INPP4B: variants seen among roughly 807,000 people sequenced by gnomAD.
INPP4B encodes inositol polyphosphate-4-phosphatase type II B, also known as inositol polyphosphate 4-phosphatase type II.
A neutral mutation model predicts 122.5 loss-of-function variants in INPP4B; 55 were observed. The ratio of observed to expected loss-of-function variants is 0.45; its 90% CI spans 0.36 to 0.56. The LOEUF (loss-of-function observed/expected upper bound fraction) is 0.56, where lower values mean the gene tolerates loss of function less well. Ranked by LOEUF, INPP4B falls within the 20% of genes least tolerant of loss-of-function variation. INPP4B has a pLI of 0.00. For synonymous variants in INPP4B, 403 were observed against 388.7 expected (o/e 1.04, Z -0.43); for missense variants, 1,000 against 1,097.7 (o/e 0.91, Z 1.26).
chr4:142,715,762 T>C (rs1022238899), intron 2 of INPP4B, among the ~76,000 whole-genome samples: 1 of 152,224 alleles, frequency 6.6e-6, no homozygotes. Flanking sequence ...AATATTGACA[T>C]TTGTTTTGTT....
rs542027263 is a variant in INPP4B at position 142,391,608 on chromosome 4, A to G, written c.372+11330T>C. On this transcript the variant is annotated intron_variant, in intron 7 of 25. Transcript: ENST00000262992. ...AAACAAAACAAACAAAAACAAACAAACAAAAAAAACCATGTACTCCTGGAG... is the reference window on the plus strand; with the variant it reads ...AAACAAAACAAACAAAAACAAACAAGCAAAAAAAACCATGTACTCCTGGAG... Among the ~76,000 whole-genome samples the G allele has an allele frequency of 1.8e-4, 27 of 152,104 alleles. No homozygotes were observed. The South Asian group carries it at 2.1e-3, about 12-fold the overall frequency.
At chr4:142,398,984 G>C (rs1800676049) in intron 7 of INPP4B, among the ~76,000 whole-genome samples, 1 of 151,970 alleles carries the variant, frequency 6.6e-6, no homozygotes, top group Non-Finnish European at 1.5e-5. Context: ...GCAAAATAGA[G>C]TAGAAATTCA....
At chr4:142,795,831 TA>T (rs1777170362) in intron 1 of INPP4B, among the ~76,000 whole-genome samples, 1 of 152,026 alleles carries the variant, frequency 6.6e-6, no homozygotes, top group South Asian at 2.1e-4. Context: ...ACTGTACCTT[TA>T]ATCAACTACC....
chr4:142,630,361 T>A (rs1747664272), intron 2 of INPP4B, among the ~76,000 whole-genome samples: 1 of 152,154 alleles, frequency 6.6e-6, no homozygotes, highest in African/African-American at 2.4e-5. Flanking sequence ...TTATCTTTTA[T>A]TTTTTAAATC....
chr4:142,284,798 T>A (rs1752764508), intron 9 of INPP4B, among the ~76,000 whole-genome samples: 1 of 152,024 alleles, frequency 6.6e-6, no homozygotes, highest in Non-Finnish European at 1.5e-5. Context: ...GGAAGTCAAG[T>A]TTCCCCAGCC....
At position 142,397,742 on chromosome 4, in the gene INPP4B, G is replaced by A. The variant is rs7695793; in HGVS notation, c.372+5196C>T. Among the ~76,000 whole-genome samples the A allele has an allele frequency of 8.2e-3, 1,243 of 152,132 alleles. 22 individuals carry two copies. Among genetic ancestry groups the A allele is most frequent in the African/African-American group, 0.027 (1,135 of 41,490 alleles). On this transcript the variant is annotated intron_variant, in intron 7 of 25. Coordinates refer to ENST00000262992, the MANE Select transcript of INPP4B (RefSeq NM_001101669.3). The stretch of plus-strand genomic sequence containing the variant: ...TAGTCCCAGTTACTCGGGAGGCTGA[G>A]GCAGGGGAATCACTTGAACCTGGGA...
At chr4:142,118,978 G>A (rs921415549) in intron 21 of INPP4B, among the ~76,000 whole-genome samples, 7 of 152,116 alleles carry the variant, frequency 4.6e-5, no homozygotes, top group African/African-American at 1.7e-4. Flanking sequence ...ATCAAAAAGT[G>A]GGCAAAGGAT....
At chr4:142,676,567 A>G (rs1380579443) in intron 2 of INPP4B, among the ~76,000 whole-genome samples, 1 of 152,192 alleles carries the variant, frequency 6.6e-6, no homozygotes, top group Non-Finnish European at 1.5e-5. Context: ...AGCTGGAGGC[A>G]TCACACTACC....
At chr4:142,389,567 A>G (rs1797042943) in intron 7 of INPP4B, among the ~76,000 whole-genome samples, 1 of 152,230 alleles carries the variant, frequency 6.6e-6, no homozygotes, top group Non-Finnish European at 1.5e-5. Flanking sequence ...TTAAGATCAT[A>G]AACTGCATGT....
chr4:142,662,059 C>T (rs1156326577), intron 2 of INPP4B, among the ~76,000 whole-genome samples: 1 of 152,090 alleles, frequency 6.6e-6, no homozygotes, highest in Admixed American at 6.6e-5. Context: ...CAGTGAAACC[C>T]TGTCTCTACT....
chr4:142,427,362 T>G (rs1808329819), intron 5 of INPP4B: 5 of 447,920 alleles, frequency 1.1e-5, no homozygotes, highest in Non-Finnish European at 2.0e-5. Context: ...CTGTTGTTGT[T>G]TCTTAGTATA....
At chr4:142,241,702 G>A (rs77803849) in intron 11 of INPP4B, among the ~76,000 whole-genome samples, 5,232 of 152,236 alleles carry the variant, frequency 0.034, 287 homozygotes, top group African/African-American at 0.12. Flanking sequence ...AAATCAAAGA[G>A]ATATCATAGG....
At chr4:142,735,015 GTTC>G (rs1358287025) in intron 1 of INPP4B, among the ~76,000 whole-genome samples, 1 of 152,166 alleles carries the variant, frequency 6.6e-6, no homozygotes, top group Admixed American at 6.5e-5. Context: ...ATCTGCAGGT[GTTC>G]TTCATTAGCA....
chr4:142,579,859 A>ATAGATAGATAGATAGATAGGTAGG (rs1734634412), intron 2 of INPP4B, among the ~76,000 whole-genome samples: 1 of 101,552 alleles, frequency 9.8e-6, no homozygotes, highest in Admixed American at 1.0e-4. Context: ...GGATGAATGG[A>ATAGATAGATAGATAGATAGGTAGG]TAGATAGATA....
chr4:142,178,132 C>T (rs1829171421), intron 15 of INPP4B, among the ~76,000 whole-genome samples: 2 of 152,230 alleles, frequency 1.3e-5, no homozygotes, highest in Admixed American at 6.5e-5. Context: ...CCACTTTCAA[C>T]ACCCAGCTCC....
intron 12 of INPP4B, among the ~76,000 whole-genome samples, chr4:142,234,213 C>T (rs967858550): frequency 6.6e-6 from 1 of 152,184 alleles, no homozygotes; most frequent in African/African-American, 2.4e-5. Flanking sequence ...GCACATCTAA[C>T]ATCTTTTCTC....
chr4:142,415,350 T>C (rs935974723), intron 5 of INPP4B, among the ~76,000 whole-genome samples: 2 of 152,130 alleles, frequency 1.3e-5, no homozygotes, highest in African/African-American at 4.8e-5. Flanking sequence ...TCAAGATGGC[T>C]GGACTCCGAG....
intron 14 of INPP4B, among the ~76,000 whole-genome samples, chr4:142,205,786 G>A (rs1413398714): frequency 1.3e-5 from 2 of 152,040 alleles, no homozygotes; most frequent in Admixed American, 6.6e-5. Context: ...TTGCCTATTA[G>A]AATAACATTA....
chr4:142,619,179 T>C (rs560411069), intron 2 of INPP4B, among the ~76,000 whole-genome samples: 1 of 151,540 alleles, frequency 6.6e-6, no homozygotes, highest in African/African-American at 2.4e-5. Flanking sequence ...GTATGGAGAT[T>C]CCTAAAAAAA....
Sources: gnomAD v4.1 joint callset for allele counts (sites outside exome capture counted in the v4.1 genomes callset) on GRCh38, gnomAD v4.1.1 for gene constraint, MANE v1.5 for transcripts, NCBI Gene and HGNC (gene_info 2026-07-23, HGNC 2026-07-21) for gene names.